The following MGAT5 variants were observed in gnomAD, a reference collection of about 807,000 sequenced individuals.
MGAT5 encodes the protein alpha-1,6-mannosylglycoprotein 6-beta-N-acetylglucosaminyltransferase.
A neutral mutation model predicts 94.3 loss-of-function variants in MGAT5; 30 were observed. That is an observed-to-expected ratio of 0.32 (90% CI 0.24 to 0.43). MGAT5 has a LOEUF of 0.43. Among genes scored for constraint, MGAT5 ranks in the 20% least tolerant of loss-of-function variants. MGAT5 has a pLI of 1.00. For missense variants in MGAT5, 691 were observed against 905.5 expected, an observed-to-expected ratio of 0.76 and a Z score of 3.04; for synonymous variants, 310 against 322.9, an observed-to-expected ratio of 0.96 and a Z score of 0.43.
intron 10 of MGAT5, among the ~76,000 whole-genome samples, chr2:134,365,566 G>A (rs963857489): frequency 1.3e-5 from 2 of 152,138 alleles, no homozygotes; most frequent in Non-Finnish European, 2.9e-5. Flanking sequence ...ACAGGGAGAG[G>A]GTGCTGTTGA....
chr2:134,140,830 G>A (rs1008674007), intron 1 of MGAT5, among the ~76,000 whole-genome samples: 2 of 152,316 alleles, frequency 1.3e-5, no homozygotes, highest in Non-Finnish European at 2.9e-5. Flanking sequence ...ACTAAGGCAC[G>A]GAGAGGTTAA....
intron 2 of MGAT5, among the ~76,000 whole-genome samples, chr2:134,288,142 G>A (rs55832634): frequency 0.032 from 4,832 of 152,248 alleles, 148 homozygotes; most frequent in South Asian, 0.14. Context: ...GCATGATTTT[G>A]TCTCCTGACA....
At chr2:134,189,602 G>GTTTTTTTTTGTTTTTTTTT (rs1689240830) in intron 1 of MGAT5, among the ~76,000 whole-genome samples, 11 of 84,654 alleles carry the variant, frequency 1.3e-4, no homozygotes, top group Admixed American at 6.3e-4. Flanking sequence ...GTTTTTTTTT[G>GTTTTTTTTTGTTTTTTTTT]TTTTTTTTTT....
At chr2:134,194,508 A>G (rs1025909396) in intron 1 of MGAT5, among the ~76,000 whole-genome samples, 3 of 152,212 alleles carry the variant, frequency 2.0e-5, no homozygotes, top group Admixed American at 6.5e-5. Flanking sequence ...ATTAGTCAGT[A>G]TCTTGAAGAT....
intron 2 of MGAT5, among the ~76,000 whole-genome samples, chr2:134,291,526 A>G (rs1309972911): frequency 6.6e-6 from 1 of 152,162 alleles, no homozygotes; most frequent in African/African-American, 2.4e-5. Flanking sequence ...TGAAGGAGTG[A>G]TGTTTGAACC....
At chr2:134,368,350 G>A (rs1435651434) in intron 10 of MGAT5, among the ~76,000 whole-genome samples, 2 of 152,218 alleles carry the variant, frequency 1.3e-5, no homozygotes, top group Non-Finnish European at 2.9e-5. Flanking sequence ...AGCCTGATAT[G>A]AGCATTTCAA....
At chr2:134,120,472 C>G (rs1364395420) in intron 1 of MGAT5, among the ~76,000 whole-genome samples, 2 of 151,736 alleles carry the variant, frequency 1.3e-5, no homozygotes, top group Non-Finnish European at 2.9e-5. Flanking sequence ...CGTGGGTGCC[C>G]CGGCCCCGGC....
intron 1 of MGAT5, among the ~76,000 whole-genome samples, chr2:134,241,401 A>T (rs1483862127): frequency 6.6e-6 from 1 of 152,256 alleles, no homozygotes; most frequent in Admixed American, 6.5e-5. Flanking sequence ...TAAGAAATGC[A>T]AACATGGGAC....
At chr2:134,128,971 T>C (rs1303795620) in intron 1 of MGAT5, among the ~76,000 whole-genome samples, 1 of 152,220 alleles carries the variant, frequency 6.6e-6, no homozygotes, top group Non-Finnish European at 1.5e-5. Flanking sequence ...CAAGTGTGAC[T>C]GTTCTATTTC....
intron 1 of MGAT5, among the ~76,000 whole-genome samples, chr2:134,178,340 G>A (rs1183241502): frequency 6.6e-6 from 1 of 152,170 alleles, no homozygotes; most frequent in African/African-American, 2.4e-5. Flanking sequence ...CTAGAGATTT[G>A]TAACCTCAGG....
chr2:134,446,626 C>T (rs1209051117), intron 15 of MGAT5, among the ~76,000 whole-genome samples: 3 of 152,132 alleles, frequency 2.0e-5, no homozygotes, highest in Admixed American at 2.0e-4. Flanking sequence ...GACTTCCTGC[C>T]CTCTCCCTTC....
intron 10 of MGAT5, among the ~76,000 whole-genome samples, chr2:134,388,791 T>G (rs1301752477): frequency 1.3e-5 from 2 of 151,946 alleles, no homozygotes; most frequent in African/African-American, 4.8e-5. Context: ...GGTCGGAGTC[T>G]CGCTCTGTTG....
chr2:134,193,477 A>G (rs1324402291), intron 1 of MGAT5, among the ~76,000 whole-genome samples: 1 of 152,154 alleles, frequency 6.6e-6, no homozygotes, highest in Non-Finnish European at 1.5e-5. Context: ...GCCTGTTTAT[A>G]GGGGTCCCCA....
intron 2 of MGAT5, among the ~76,000 whole-genome samples, chr2:134,279,673 T>C (rs930945812): frequency 6.6e-6 from 1 of 152,240 alleles, no homozygotes; most frequent in African/African-American, 2.4e-5. Flanking sequence ...AGGGTTGTTC[T>C]TTGTATTGGT....
chr2:134,406,851 C>T (rs919776018), intron 11 of MGAT5, among the ~76,000 whole-genome samples: 2 of 152,078 alleles, frequency 1.3e-5, no homozygotes, highest in African/African-American at 4.8e-5. Flanking sequence ...GCTGAGGACA[C>T]CTGCACTCCA....
intron 9 of MGAT5, among the ~76,000 whole-genome samples, chr2:134,357,918 C>T (rs1297189227): frequency 6.6e-6 from 1 of 151,276 alleles, no homozygotes; most frequent in Non-Finnish European, 1.5e-5. Context: ...TGAAGCATAA[C>T]ATTACTATGT....
chr2:134,235,216 CCTGTTT>C (rs1334505830), intron 1 of MGAT5, among the ~76,000 whole-genome samples: 1 of 152,138 alleles, frequency 6.6e-6, no homozygotes, highest in Non-Finnish European at 1.5e-5. Context: ...CGACCTCATA[CCTGTTT>C]CTCTTCCCTC....
chr2:134,123,383 C>G (rs2104871016), intron 1 of MGAT5, among the ~76,000 whole-genome samples: 1 of 152,318 alleles, frequency 6.6e-6, no homozygotes, highest in East Asian at 1.9e-4. Context: ...GACTAGTGTA[C>G]CCTGCAGAGA....
intron 2 of MGAT5, among the ~76,000 whole-genome samples, chr2:134,280,460 G>T (rs1684622727): frequency 6.6e-6 from 1 of 152,232 alleles, no homozygotes; most frequent in Non-Finnish European, 1.5e-5. Flanking sequence ...ATTATAAACT[G>T]CATTTTGATT....
Sources: gnomAD v4.1 joint callset for allele counts (sites outside exome capture counted in the v4.1 genomes callset) on GRCh38, gnomAD v4.1.1 for gene constraint, MANE v1.5 for transcripts, NCBI Gene and HGNC (gene_info 2026-07-23, HGNC 2026-07-21) for gene names.